The following MCF2L2 variants were observed in gnomAD, a reference collection of about 807,000 sequenced individuals.
MCF2L2 encodes probable guanine nucleotide exchange factor MCF2L2.
Under a neutral mutation model 150.2 loss-of-function variants are expected in MCF2L2, and 102 were observed. The observed-to-expected ratio is 0.68, with a 90% CI of 0.58 to 0.80. The LOEUF (loss-of-function observed/expected upper bound fraction) is 0.80. Among genes scored for constraint, MCF2L2 ranks in the 30% least tolerant of loss-of-function variants. The probability of loss-of-function intolerance (pLI) is 0.00; values close to 1 mark genes in which losing one functional copy is unlikely to be tolerated. For synonymous variants in MCF2L2, 465 were observed against 491.3 expected (o/e 0.95, Z 0.71); for missense variants, 1,256 against 1,372.8 (o/e 0.91, Z 1.34).
In MCF2L2 at chr3:183,190,664, C is replaced by T. The variant is rs537525681; in HGVS notation, c.3016+2335G>A. ...AGCCATTGGTGGGCCATAAGCCACCCTTAGGGGAGGACATAACCTCACAGG... is the reference window on the plus strand; with the variant it reads ...AGCCATTGGTGGGCCATAAGCCACCTTTAGGGGAGGACATAACCTCACAGG... On this transcript the variant is annotated intron_variant, in intron 27 of 29. Transcript: ENST00000328913. Among the ~76,000 whole-genome samples the T allele has an allele frequency of 2.0e-3, 299 of 152,262 alleles. 1 individual carries two copies. The highest frequency in any genetic ancestry group is 6.9e-3 in the African/African-American group (288 of 41,558).
chr3:183,405,033 G>A (rs143249480), intron 1 of MCF2L2, among the ~76,000 whole-genome samples: 11 of 152,146 alleles, frequency 7.2e-5, no homozygotes, highest in Admixed American at 5.9e-4. Context: ...TATTATCTAT[G>A]GAGATGTCTT....
In MCF2L2 at chr3:183,270,849, C is replaced by G; in HGVS notation, c.1862+6023G>C. ...AACCATTTCCAAAGGTTTTTTTGGT[C>G]AAATATACTGCAGATTAATGAAGAT... On this transcript the variant is annotated intron_variant, in intron 15 of 29. Transcript: ENST00000328913. The surrounding 1 kb of genome is among the most constrained non-coding windows in gnomAD (Gnocchi z 4.5). 6.2e-7 allele frequency: 1 copy of G among 1,613,390 alleles called. No individual in the cohort carries two copies. Among genetic ancestry groups the G allele is most frequent in the Non-Finnish European group, 8.5e-7 (1 of 1,179,772 alleles).
chr3:183,276,420 TC>T (rs1334984481), intron 15 of MCF2L2, among the ~76,000 whole-genome samples: 2 of 152,204 alleles, frequency 1.3e-5, no homozygotes, highest in African/African-American at 2.4e-5. Flanking sequence ...AAAATAAATT[TC>T]CCCGTGTTAT....
At chr3:183,231,860 A>G (rs1435022337) in intron 15 of MCF2L2, among the ~76,000 whole-genome samples, 2 of 152,130 alleles carry the variant, frequency 1.3e-5, no homozygotes, top group Non-Finnish European at 2.9e-5. Context: ...GTGATTTCCT[A>G]AGGCAAAAGA....
chr3:183,427,796 A>C, intron 1 of MCF2L2, 106 bp downstream of exon 1: 1 of 937,212 alleles, frequency 1.1e-6, no homozygotes, highest in Non-Finnish European at 1.7e-6. Flanking sequence ...CCCCCCAGGA[A>C]GCGCGCTGCC....
At chr3:183,219,250 T>A (rs1723055240) in intron 21 of MCF2L2, among the ~76,000 whole-genome samples, 1 of 152,192 alleles carries the variant, frequency 6.6e-6, no homozygotes. Flanking sequence ...GCAGACATTT[T>A]ATCATATCTA....
chr3:183,395,212 TG>T (rs1365721761), intron 1 of MCF2L2, among the ~76,000 whole-genome samples: 1 of 152,260 alleles, frequency 6.6e-6, no homozygotes, highest in Non-Finnish European at 1.5e-5. Context: ...TAGACTGTGA[TG>T]TTTTTACCAG....
chr3:183,216,194 C>T (rs928435237), intron 21 of MCF2L2, 100 bp from the exon 22 acceptor site: 188 of 1,297,506 alleles, frequency 1.4e-4, no homozygotes, highest in Non-Finnish European at 1.9e-4. Context: ...TCCAGCCAAC[C>T]CTGACTGAGA....
At chr3:183,379,077 G>A (rs921047949) in intron 3 of MCF2L2, 3 of 499,908 alleles carry the variant, frequency 6.0e-6, no homozygotes, top group Non-Finnish European at 1.0e-5. Context: ...TCCCTCCTGT[G>A]TGCACAAGAG....
At chr3:183,313,991 C>T (rs1281507397) in intron 7 of MCF2L2, among the ~76,000 whole-genome samples, 1 of 152,222 alleles carries the variant, frequency 6.6e-6, no homozygotes, top group Non-Finnish European at 1.5e-5. Flanking sequence ...GAAAGGCACA[C>T]AGCAGGAATG....
rs73060983 is a variant in MCF2L2, at chr3:183,349,898, G to A, written c.276-8268C>T. 3.4e-3 allele frequency among the ~76,000 whole-genome samples: 509 copies of A among 151,330 alleles called. 1 individual carries two copies. The highest frequency in any genetic ancestry group is 0.012 in the African/African-American group (491 of 41,142). On this transcript the variant is annotated intron_variant, in intron 3 of 29. Coordinates refer to ENST00000328913, the MANE Select transcript of MCF2L2 (RefSeq NM_015078.4). ...TTTTTTTCTTTTCTACTTGAACCAC[G>A]TAATCATTGAAGGAAGTTCTAAGGG...
chr3:183,253,874 C>G (rs1262069830), intron 15 of MCF2L2: 1 of 152,236 alleles, frequency 6.6e-6, no homozygotes, highest in Non-Finnish European at 1.5e-5. Context: ...CCGCATCTTT[C>G]CGCGGCCGAG....
Position 183,223,361 on chromosome 3 carries a change from G to A in MCF2L2, c.2286C>T (p.Tyr762=), listed in dbSNP as rs1723213908. The change falls in exon 20 of 30, where the codon TAC becomes TAT. Residue 762 remains tyrosine, a synonymous_variant. Transcript: ENST00000328913. The part of the protein sequence containing the change: ...LKGPSQRLIK[Y]QMLLKGLLDF... ...TTGATTTTACCTTCAACAGCATCTG[G>A]TATTTTATAAGTCTCTGGCTTGGTC... 6.2e-7 allele frequency: 1 copy of A among 1,613,718 alleles called. No homozygotes were observed. Among genetic ancestry groups the A allele is most frequent in the South Asian group, 1.1e-5 (1 of 91,076 alleles).
chr3:183,280,136 C>A (rs1192178506), intron 14 of MCF2L2, among the ~76,000 whole-genome samples: 2 of 151,916 alleles, frequency 1.3e-5, no homozygotes, highest in Admixed American at 6.6e-5. Flanking sequence ...CACCTCCCCA[C>A]TTCCAGCCTC....
At chr3:183,377,870 C>T in intron 3 of MCF2L2, 1 of 152,180 alleles carries the variant, frequency 6.6e-6, no homozygotes, top group Non-Finnish European at 1.5e-5. Context: ...AAGGATTCCC[C>T]ACATCCTTAT....
At chr3:183,317,270 T>C (rs1406352575) in intron 7 of MCF2L2, among the ~76,000 whole-genome samples, 3 of 152,154 alleles carry the variant, frequency 2.0e-5, no homozygotes, top group African/African-American at 7.2e-5. Context: ...CCAAGTTCCA[T>C]GAGGCCAAGA....
At chr3:183,358,368 C>A (rs936538617) in intron 3 of MCF2L2, among the ~76,000 whole-genome samples, 1 of 151,708 alleles carries the variant, frequency 6.6e-6, no homozygotes, top group African/African-American at 2.4e-5. Flanking sequence ...CCATATATGA[C>A]CTAAAGATAC....
chr3:183,318,398 T>G lies in MCF2L2; in HGVS notation c.604-181A>C, dbSNP rs1729684508. Among the ~76,000 whole-genome samples, 3 of 152,316 alleles carry G rather than the reference T, an allele frequency of 2.0e-5. No individual in the cohort carries two copies. In the South Asian group the frequency reaches 6.2e-4, roughly 32 times the overall value. On this transcript the variant is annotated intron_variant, in intron 6 of 29. Coordinates refer to ENST00000328913, the MANE Select transcript of MCF2L2 (RefSeq NM_015078.4). ...AAGAGGCTGGTTTTAGTCTCAATGC[T>G]GCCACTAGTTGACCAAATGACTTTG... is the stretch of plus-strand genomic sequence containing the variant.
At chr3:183,206,979 GAGGGAGGGAGGAAGGA>G (rs1560341343) in intron 23 of MCF2L2, among the ~76,000 whole-genome samples, 2 of 55,698 alleles carry the variant, frequency 3.6e-5, no homozygotes, top group South Asian at 1.3e-3. Context: ...GGAAGGGAGG[GAGGGAGGGAGGAAGGA>G]AGGGAGGGAG....
Sources: gnomAD v4.1 joint callset for allele counts (sites outside exome capture counted in the v4.1 genomes callset) on GRCh38, gnomAD v4.1.1 for gene constraint, Gnocchi (gnomAD v3.1) non-coding constraint, MANE v1.5 for transcripts, NCBI Gene and HGNC (gene_info 2026-07-23, HGNC 2026-07-21) for gene names.